Variants in CNBD1 observed in about 807,000 individuals in gnomAD.
The protein encoded by CNBD1 is cyclic nucleotide-binding domain-containing protein 1.
In CNBD1, 71 loss-of-function variants were observed where a neutral mutation model predicts 54.4. The ratio of observed to expected loss-of-function variants is 1.30; its 90% CI spans 1.08 to 1.59. CNBD1 has a LOEUF of 1.59. CNBD1 is among the 40% of genes most tolerant of loss of function. The probability of loss-of-function intolerance (pLI) is 0.00; values close to 1 mark genes in which losing one functional copy is unlikely to be tolerated. For synonymous variants in CNBD1, 182 were observed against 170.7 expected (o/e 1.07, Z -0.51); for missense variants, 659 against 518.0 (o/e 1.27, Z -2.64).
At chr8:87,346,458 T>C (rs1252369668) in intron 8 of CNBD1, among the ~76,000 whole-genome samples, 1 of 152,030 alleles carries the variant, frequency 6.6e-6, no homozygotes, top group Non-Finnish European at 1.5e-5. Flanking sequence ...TGGTTATTTT[T>C]TGTAATCCAA....
At chr8:87,331,011 G>C (rs1198141193) in intron 8 of CNBD1, among the ~76,000 whole-genome samples, 1 of 152,032 alleles carries the variant, frequency 6.6e-6, no homozygotes, top group Non-Finnish European at 1.5e-5. Flanking sequence ...TATTGATATA[G>C]TTGCTCTAAT....
At chr8:87,376,823 C>T (rs778890046) in intron 10 of CNBD1, among the ~76,000 whole-genome samples, 158 of 151,858 alleles carry the variant, frequency 1.0e-3, no homozygotes, top group Non-Finnish European at 2.0e-3. Flanking sequence ...AGCCAGAATT[C>T]GGACCCAATT....
At chr8:87,271,228 T>G (rs1471377556) in intron 6 of CNBD1, among the ~76,000 whole-genome samples, 1 of 151,840 alleles carries the variant, frequency 6.6e-6, no homozygotes, top group East Asian at 1.9e-4. Flanking sequence ...CCATTTCACT[T>G]TGTTGATCTT....
At chr8:87,271,816 T>G in intron 6 of CNBD1, among the ~76,000 whole-genome samples, 1 of 149,586 alleles carries the variant, frequency 6.7e-6, no homozygotes, top group Non-Finnish European at 1.5e-5. Context: ...CTATGCTTAT[T>G]GCAGCACTAT....
chr8:87,013,012 G>T (rs1209161363), intron 4 of CNBD1, among the ~76,000 whole-genome samples: 1 of 152,146 alleles, frequency 6.6e-6, no homozygotes, highest in African/African-American at 2.4e-5. Context: ...ATTTTACAGA[G>T]TTTGACTCTT....
At chr8:87,072,362 A>C (rs1224990153) in intron 4 of CNBD1, among the ~76,000 whole-genome samples, 2 of 152,070 alleles carry the variant, frequency 1.3e-5, no homozygotes, top group African/African-American at 4.8e-5. Flanking sequence ...CTAGCTGTTT[A>C]TTTTGCAGAC....
At chr8:87,364,818 G>A (rs1008877465) in intron 10 of CNBD1, among the ~76,000 whole-genome samples, 41 of 152,182 alleles carry the variant, frequency 2.7e-4, no homozygotes, top group African/African-American at 9.4e-4. Flanking sequence ...CAAAGGACAT[G>A]ATATCATTCT....
intron 8 of CNBD1, among the ~76,000 whole-genome samples, chr8:87,310,008 A>T (rs909588556): frequency 1.3e-5 from 2 of 152,176 alleles, no homozygotes. Flanking sequence ...CAATGTACAA[A>T]AATCAGTAGC....
At chr8:87,168,676 A>G (rs1325288085) in intron 4 of CNBD1, among the ~76,000 whole-genome samples, 1 of 152,072 alleles carries the variant, frequency 6.6e-6, no homozygotes, top group Non-Finnish European at 1.5e-5. Context: ...ATAAGTGATA[A>G]CATGCAGTTT....
chr8:87,361,461 G>T (rs1026626188), intron 10 of CNBD1, among the ~76,000 whole-genome samples: 33 of 151,602 alleles, frequency 2.2e-4, no homozygotes, highest in African/African-American at 7.7e-4. Context: ...ATGTGAAGAT[G>T]ATATAGCTTA....
chr8:87,011,023 T>C (rs926843293), intron 4 of CNBD1, among the ~76,000 whole-genome samples: 6 of 152,184 alleles, frequency 3.9e-5, no homozygotes, highest in Non-Finnish European at 8.8e-5. Flanking sequence ...AATTCTTTTC[T>C]GGCAGAGAGA....
At chr8:87,339,325 C>G (rs1810016042) in intron 8 of CNBD1, among the ~76,000 whole-genome samples, 1 of 142,138 alleles carries the variant, frequency 7.0e-6, no homozygotes, top group Admixed American at 7.1e-5. Flanking sequence ...TCAGGCTTGC[C>G]CACACCAAGC....
chr8:86,966,050 C>A (rs1808063380), intron 4 of CNBD1, among the ~76,000 whole-genome samples: 1 of 152,122 alleles, frequency 6.6e-6, no homozygotes, highest in Non-Finnish European at 1.5e-5. Flanking sequence ...TTATGGACCT[C>A]AAAGGGGAGG....
chr8:87,276,769 A>T (rs973152290), intron 6 of CNBD1, among the ~76,000 whole-genome samples: 1 of 151,858 alleles, frequency 6.6e-6, no homozygotes, highest in South Asian at 2.1e-4. Flanking sequence ...ATTTCGAGCC[A>T]GACATGTCCT....
chr8:87,345,846 C>T (rs1810164048), intron 8 of CNBD1, among the ~76,000 whole-genome samples: 1 of 151,902 alleles, frequency 6.6e-6, no homozygotes, highest in African/African-American at 2.4e-5. Context: ...AGTCTGTTGA[C>T]TACTGAAAAT....
At chr8:86,874,048 ACAATC>A (rs939000856) in intron 1 of CNBD1, among the ~76,000 whole-genome samples, 4 of 152,148 alleles carry the variant, frequency 2.6e-5, no homozygotes, top group African/African-American at 9.7e-5. Flanking sequence ...TTCTAGTAAA[ACAATC>A]CAATTCAAAA....
intron 4 of CNBD1, among the ~76,000 whole-genome samples, chr8:87,142,919 A>G (rs910616165): frequency 6.6e-6 from 1 of 151,626 alleles, no homozygotes; most frequent in African/African-American, 2.4e-5. Context: ...AGTTTCTGTT[A>G]GGTAGCAGAC....
In CNBD1 at chr8:86,969,166, G is replaced by A. The variant is rs866943397; in HGVS notation, c.431+29412G>A. 2.6e-5 allele frequency among the ~76,000 whole-genome samples: 4 copies of A among 151,630 alleles called. No homozygotes were observed. In the South Asian group the frequency reaches 8.3e-4, roughly 32 times the overall value. On this transcript the variant is annotated intron_variant, in intron 4 of 10. Transcript: ENST00000518476. ...AACTTATTTACTGTTTTTTTTCTCT[G>A]CATTTTCTCATTTTCTTTTAAATGT... is the stretch of plus-strand genomic sequence containing the variant.
At position 86,889,005 on chromosome 8, in the gene CNBD1, C is replaced by A. The variant is rs1222986372; in HGVS notation, c.158+1394C>A. 2.0e-5 allele frequency among the ~76,000 whole-genome samples: 3 copies of A among 152,108 alleles called. No individual in the cohort carries two copies. In the East Asian group the frequency reaches 5.8e-4, roughly 29 times the overall value. On this transcript the variant is annotated intron_variant, in intron 2 of 10. Transcript: ENST00000518476. ...TCTTGGGTGGTGTCGTCTTGTGAGA[C>A]AATTATCTCATTCAGGTCCAATCTG...
Sources: gnomAD v4.1 joint callset for allele counts (sites outside exome capture counted in the v4.1 genomes callset) on GRCh38, gnomAD v4.1.1 for gene constraint, MANE v1.5 for transcripts, NCBI Gene and HGNC (gene_info 2026-07-23, HGNC 2026-07-21) for gene names.